Variants in AGBL1 observed in about 807,000 individuals in gnomAD.
AGBL1 encodes AGBL carboxypeptidase 1, also known as cytosolic carboxypeptidase 4.
Under a neutral mutation model 118.9 loss-of-function variants are expected in AGBL1, and 130 were observed. The observed-to-expected ratio is 1.09, with a 90% CI of 0.95 to 1.26. The LOEUF is 1.26. AGBL1 is among the 50% of genes most tolerant of loss of function. AGBL1 has a pLI of 0.00. For missense variants in AGBL1, 1,584 were observed against 1,298.1 expected (o/e 1.22, Z -3.38); for synonymous variants, 555 against 478.9 (o/e 1.16, Z -2.08).
intron 6 of AGBL1, among the ~76,000 whole-genome samples, chr15:86,228,571 T>G (rs1432408452): frequency 1.3e-5 from 2 of 152,180 alleles, no homozygotes; most frequent in African/African-American, 4.8e-5. Context: ...ACTGAGGCCC[T>G]ATCAAGTAGT....
intron 5 of AGBL1, among the ~76,000 whole-genome samples, chr15:86,209,066 A>G (rs1437437241): frequency 2.0e-5 from 3 of 151,986 alleles, no homozygotes; most frequent in Non-Finnish European, 4.4e-5. Context: ...CCTTCATTTC[A>G]TTATGTACCC....
chr15:86,530,149 A>C (rs1417608688), intron 19 of AGBL1, among the ~76,000 whole-genome samples: 1 of 141,844 alleles, frequency 7.1e-6, no homozygotes, highest in East Asian at 1.9e-4. Flanking sequence ...CTCCAATTAA[A>C]AGACACAGAC....
intron 22 of AGBL1, among the ~76,000 whole-genome samples, chr15:86,725,493 G>A (rs1292451208): frequency 6.6e-6 from 1 of 152,214 alleles, no homozygotes; most frequent in Non-Finnish European, 1.5e-5. Context: ...GGGGTACCAG[G>A]CTTAGCTGAA....
At chr15:86,602,921 T>C (rs2084518241) in intron 21 of AGBL1, among the ~76,000 whole-genome samples, 1 of 152,150 alleles carries the variant, frequency 6.6e-6, no homozygotes, top group African/African-American at 2.4e-5. Flanking sequence ...GGAGGTCTCA[T>C]TCATAATAGT....
At chr15:86,898,860 G>A (rs1567230112) in intron 22 of AGBL1, among the ~76,000 whole-genome samples, 1 of 152,140 alleles carries the variant, frequency 6.6e-6, no homozygotes, top group Non-Finnish European at 1.5e-5. Context: ...GCACCAGACA[G>A]AATGGGTATC....
intron 22 of AGBL1, among the ~76,000 whole-genome samples, chr15:86,749,215 A>T (rs187958473): frequency 6.6e-6 from 1 of 152,136 alleles, no homozygotes; most frequent in Admixed American, 6.6e-5. Context: ...CTCCTTGAAG[A>T]GGTCCTTCAC....
intron 5 of AGBL1, among the ~76,000 whole-genome samples, chr15:86,204,094 G>A (rs775861078): frequency 2.0e-5 from 3 of 152,132 alleles, no homozygotes; most frequent in Non-Finnish European, 4.4e-5. Context: ...TAGGGAGGCT[G>A]AAAAAAGCAG....
At chr15:86,771,049 CA>C (rs2078172100) in intron 22 of AGBL1, among the ~76,000 whole-genome samples, 1 of 152,034 alleles carries the variant, frequency 6.6e-6, no homozygotes, top group Non-Finnish European at 1.5e-5. Flanking sequence ...TCTCTTTCCT[CA>C]GCCACAGTCT....
chr15:86,157,357 G>A (rs138842977), intron 4 of AGBL1, among the ~76,000 whole-genome samples: 83 of 152,270 alleles, frequency 5.5e-4, no homozygotes, highest in African/African-American at 2.0e-3. Context: ...TAGACAGAAG[G>A]TGTGCCACCC....
intron 1 of AGBL1, among the ~76,000 whole-genome samples, chr15:86,104,274 C>A (rs1232618994): frequency 6.6e-6 from 1 of 152,102 alleles, no homozygotes; most frequent in Non-Finnish European, 1.5e-5. Flanking sequence ...ATGGGGTGAT[C>A]CCTAGGGTCC....
chr15:86,099,122 A>G (rs952049943), intron 1 of AGBL1, among the ~76,000 whole-genome samples: 1 of 152,212 alleles, frequency 6.6e-6, no homozygotes, highest in Non-Finnish European at 1.5e-5. Context: ...GCCTACTTCA[A>G]AAAAGTAGAA....
At chr15:86,339,902 G>A (rs1196557996) in intron 17 of AGBL1, among the ~76,000 whole-genome samples, 1 of 151,904 alleles carries the variant, frequency 6.6e-6, no homozygotes, top group East Asian at 1.9e-4. Context: ...GGAGGCAGAG[G>A]TTGCAGTGAG....
At chr15:86,276,636 G>A (rs112772072) in intron 15 of AGBL1, among the ~76,000 whole-genome samples, 66 of 152,290 alleles carry the variant, frequency 4.3e-4, no homozygotes, top group Admixed American at 1.1e-3. Flanking sequence ...GAGTGATAAG[G>A]GGGCTATCAG....
intron 4 of AGBL1, among the ~76,000 whole-genome samples, chr15:86,155,694 G>T (rs922129348): frequency 1.3e-5 from 2 of 152,114 alleles, no homozygotes; most frequent in African/African-American, 4.8e-5. Flanking sequence ...ATAGGGGAAA[G>T]AACGTGGGCT....
intron 21 of AGBL1, among the ~76,000 whole-genome samples, chr15:86,573,683 ATCC>A (rs2084041774): frequency 6.6e-6 from 1 of 152,170 alleles, no homozygotes; most frequent in Non-Finnish European, 1.5e-5. Context: ...TAAGAACATG[ATCC>A]TCCTCCTTAT....
rs540220504 is a variant in AGBL1, at chr15:86,428,435, C to T, written c.2555+30889C>T. ...CTTCTTATTGATAGTCCTATTTTCCCCCGTCTTTTTTTCTAAATACACGGA... is the reference window on the plus strand; with the variant it reads ...CTTCTTATTGATAGTCCTATTTTCCTCCGTCTTTTTTTCTAAATACACGGA... On this transcript the variant is annotated intron_variant, in intron 18 of 22. Transcript: ENST00000614907. Among the ~76,000 whole-genome samples, 10 of 152,288 alleles carry T rather than the reference C, an allele frequency of 6.6e-5. No individual in the cohort carries two copies. The South Asian group carries it at 2.1e-3, about 32-fold the overall frequency.
intron 6 of AGBL1, among the ~76,000 whole-genome samples, chr15:86,229,376 A>C (rs1271319838): frequency 6.6e-6 from 1 of 152,154 alleles, no homozygotes; most frequent in Non-Finnish European, 1.5e-5. Flanking sequence ...AGTGCCAAGC[A>C]AAAGGGCAAA....
chr15:86,771,348 T>G (rs1222482331), intron 22 of AGBL1, among the ~76,000 whole-genome samples: 1 of 152,048 alleles, frequency 6.6e-6, no homozygotes, highest in African/African-American at 2.4e-5. Context: ...GAAAAAGGGT[T>G]CAAAGTAGTT....
chr15:86,464,082 G>C (rs1772302936), intron 18 of AGBL1, among the ~76,000 whole-genome samples: 1 of 152,146 alleles, frequency 6.6e-6, no homozygotes, highest in Non-Finnish European at 1.5e-5. Flanking sequence ...AGCATGGATT[G>C]GTTTTCCATT....
Sources: gnomAD v4.1 joint callset for allele counts (sites outside exome capture counted in the v4.1 genomes callset) on GRCh38, gnomAD v4.1.1 for gene constraint, MANE v1.5 for transcripts, NCBI Gene and HGNC (gene_info 2026-07-23, HGNC 2026-07-21) for gene names.